The following F13A1 variants were observed in gnomAD, a reference collection of about 807,000 sequenced individuals.
The protein encoded by F13A1 is coagulation factor XIII A chain, also known as FSF, A subunit.
In F13A1, 47 loss-of-function variants were observed where a neutral mutation model predicts 80.1. That is an observed-to-expected ratio of 0.59 (90% CI 0.46 to 0.75). The LOEUF (loss-of-function observed/expected upper bound fraction) is 0.75, where lower values mean the gene tolerates loss of function less well. Among genes scored for constraint, F13A1 ranks in the 30% least tolerant of loss-of-function variants. The probability of loss-of-function intolerance (pLI) is 0.00; values close to 1 mark genes in which losing one functional copy is unlikely to be tolerated. For synonymous variants in F13A1, 349 were observed against 344.9 expected, an observed-to-expected ratio of 1.01 and a Z score of -0.13; for missense variants, 817 against 930.4, an observed-to-expected ratio of 0.88 and a Z score of 1.59.
chr6:6,304,720 G>T (rs1758485605), intron 3 of F13A1, among the ~76,000 whole-genome samples: 1 of 151,992 alleles, frequency 6.6e-6, no homozygotes, highest in Non-Finnish European at 1.5e-5. Context: ...AAAATTAGCT[G>T]GGCGTAATGG....
chr6:6,224,967 G>T, intron 6 of F13A1, 107 bp from the exon 7 acceptor site: 1 of 1,199,120 alleles, frequency 8.3e-7, no homozygotes, highest in Non-Finnish European at 1.2e-6. Context: ...TATATGTTGT[G>T]CCCAGTGAAA....
Position 6,145,259 on chromosome 6 carries a change from T to C in F13A1, c.*360A>G. The C allele has an allele frequency of 3.2e-6, 1 of 308,152 alleles. No homozygotes were observed. The highest frequency in any genetic ancestry group is 3.2e-5 in the South Asian group (1 of 31,492). The allele number at this position is 308,152 out of a possible 1,614,324, so 19.1% of individuals were successfully genotyped here. On this transcript the variant is annotated 3_prime_UTR_variant, in exon 15 of 15. Coordinates refer to ENST00000264870, the MANE Select transcript of F13A1 (RefSeq NM_000129.4). Reference sequence around the variant, plus strand: ...GAGTGGGGAATCTGAAGTCTTGTTTTAAATGAGGCCAGGTATTGAGCAAAT... The same window carrying C: ...GAGTGGGGAATCTGAAGTCTTGTTTCAAATGAGGCCAGGTATTGAGCAAAT...
chr6:6,293,821 G>T lies in F13A1; in HGVS notation c.319+11530C>A, dbSNP rs1378544547. Among the ~76,000 whole-genome samples, 20 of 82,162 alleles carry T rather than the reference G, an allele frequency of 2.4e-4. No homozygotes were observed. In the East Asian group the frequency reaches 7.6e-3, roughly 31 times the overall value. The allele number at this position is 82,162 out of a possible 152,430, so 53.9% of individuals were successfully genotyped here. ...AGGGAGGGAGGGAGGGAGGGAGGGA[G>T]GGAGAGAAGGAAATTGGTTAGAAGG... On this transcript the variant is annotated intron_variant, in intron 3 of 14. Transcript: ENST00000264870.
intron 10 of F13A1, among the ~76,000 whole-genome samples, chr6:6,186,575 G>A (rs1203913361): frequency 6.6e-6 from 1 of 152,176 alleles, no homozygotes; most frequent in East Asian, 1.9e-4. Context: ...CTGTTCCATT[G>A]ATCTATATCT....
intron 6 of F13A1, among the ~76,000 whole-genome samples, chr6:6,236,123 A>G (rs1757410616): frequency 6.6e-6 from 1 of 152,258 alleles, no homozygotes; most frequent in East Asian, 1.9e-4. Context: ...CAGAAGGCTG[A>G]GCAGTGATGG....
chr6:6,220,829 T>G (rs1318830840), intron 8 of F13A1, among the ~76,000 whole-genome samples: 2 of 152,176 alleles, frequency 1.3e-5, no homozygotes, highest in Non-Finnish European at 2.9e-5. Context: ...CTCATTCCCT[T>G]CCAATGAACC....
chr6:6,320,569 G>T lies in F13A1; in HGVS notation c.-19+18C>A, dbSNP rs1417920754. 1.5e-5 allele frequency: 7 copies of T among 465,120 alleles called. No homozygotes were observed. The highest frequency in any genetic ancestry group is 1.4e-4 in the African/African-American group (7 of 49,962). 28.8% of individuals were successfully genotyped at this position (465,120 alleles called of 1,614,324 possible). A position where few individuals can be genotyped will look rare whatever the true frequency, so the allele number is the denominator to read the frequency against. On this transcript the variant is annotated intron_variant, in intron 1 of 14. Transcript: ENST00000264870. The stretch of plus-strand genomic sequence containing the variant: ...CGCAGCGGGCCCTGGCTCATAGGGT[G>T]CAGGGTCGGTGGCTTACCTGCAGGC...
chr6:6,311,988 A>G (rs1384982853), intron 2 of F13A1, among the ~76,000 whole-genome samples: 1 of 147,848 alleles, frequency 6.8e-6, no homozygotes, highest in Non-Finnish European at 1.5e-5. Context: ...CAATATATTT[A>G]TATATGATAT....
In F13A1 at chr6:6,234,898, T is replaced by C. The variant is rs114287980; in HGVS notation, c.799-10038A>G. Among the ~76,000 whole-genome samples, 1,094 of 152,130 alleles carry C rather than the reference T, an allele frequency of 7.2e-3. 10 individuals carry two copies. The highest frequency in any genetic ancestry group is 0.025 in the African/African-American group (1,048 of 41,560). On this transcript the variant is annotated intron_variant, in intron 6 of 14. Transcript: ENST00000264870. ...AGAATTTGGGTACAATTACATGTAA[T>C]ACTTTCAAATTAAGTAGCATGACAC...
chr6:6,301,771 A>G (rs12201177), intron 3 of F13A1, among the ~76,000 whole-genome samples: 53,378 of 152,074 alleles, frequency 0.35, 12,264 homozygotes, highest in African/African-American at 0.65. Flanking sequence ...TTCAGGGGTT[A>G]CCCTCAGCCA....
intron 6 of F13A1, among the ~76,000 whole-genome samples, chr6:6,234,541 C>G (rs1015659188): frequency 6.6e-6 from 1 of 151,810 alleles, no homozygotes; most frequent in Non-Finnish European, 1.5e-5. Context: ...TTTACAGTTA[C>G]AGATGAATTT....
chr6:6,290,772 T>C (rs141345912), intron 3 of F13A1, among the ~76,000 whole-genome samples: 1,531 of 152,220 alleles, frequency 0.01, 13 homozygotes, highest in Non-Finnish European at 0.016. Flanking sequence ...CAGAAACCCA[T>C]AGGAGCAAAA....
chr6:6,277,451 C>T (rs1165801223), intron 3 of F13A1, among the ~76,000 whole-genome samples: 3 of 152,168 alleles, frequency 2.0e-5, no homozygotes, highest in African/African-American at 7.2e-5. Flanking sequence ...TCATGAACCC[C>T]TGCATTTAAA....
chr6:6,275,791 AG>A (rs1386737806), intron 3 of F13A1, among the ~76,000 whole-genome samples: 1 of 152,216 alleles, frequency 6.6e-6, no homozygotes, highest in African/African-American at 2.4e-5. Flanking sequence ...TTGCTCCAAA[AG>A]TTAGGACCTG....
intron 9 of F13A1, 88 bp from the exon 10 acceptor site, chr6:6,195,973 T>C: frequency 2.5e-6 from 3 of 1,185,704 alleles, no homozygotes; most frequent in Non-Finnish European, 3.7e-6. Flanking sequence ...AGGGTGACTC[T>C]GTAAAGACCA....
At chr6:6,152,021 T>G in intron 13 of F13A1, 72 bp from the exon 14 acceptor site, 1 of 1,571,054 alleles carries the variant, frequency 6.4e-7, no homozygotes, top group Non-Finnish European at 8.7e-7. Flanking sequence ...TTAACCATCA[T>G]CACTTTTACT....
At chr6:6,190,276 T>A (rs1311902895) in intron 10 of F13A1, among the ~76,000 whole-genome samples, 4 of 152,258 alleles carry the variant, frequency 2.6e-5, no homozygotes, top group Admixed American at 6.5e-5. Flanking sequence ...AGGAACTGCG[T>A]TCCTTTGGAG....
intron 13 of F13A1, among the ~76,000 whole-genome samples, chr6:6,158,564 G>A (rs1174853849): frequency 1.3e-5 from 2 of 152,184 alleles, no homozygotes; most frequent in Non-Finnish European, 2.9e-5. Flanking sequence ...ACAAAGGGGA[G>A]AGGTGAAGAA....
Position 6,145,174 on chromosome 6 carries a change from C to G in F13A1, c.*445G>C. The G allele has an allele frequency of 9.3e-6, 2 of 215,384 alleles. No homozygotes were observed. Among genetic ancestry groups the G allele is most frequent in the East Asian group, 2.5e-4 (2 of 7,978 alleles). The allele number at this position is 215,384 out of a possible 1,614,324, so 13.3% of individuals were successfully genotyped here. On this transcript the variant is annotated 3_prime_UTR_variant, in exon 15 of 15. Coordinates refer to ENST00000264870, the MANE Select transcript of F13A1 (RefSeq NM_000129.4). ...TCTCACATGGAGGGTAGAACCTGAC[C>G]CCGAGAAAGGGGACTGGAATTCTAG...
Sources: allele counts gnomAD v4.1 joint callset (sites outside exome capture counted in the v4.1 genomes callset), GRCh38; gene constraint gnomAD v4.1.1; transcripts MANE v1.5; gene names NCBI Gene and HGNC (gene_info 2026-07-23, HGNC 2026-07-21).